The following PEF1 variants were observed in gnomAD, a reference collection of about 807,000 sequenced individuals.
The protein encoded by PEF1 is penta-EF-hand domain containing 1, also known as peflin.
A neutral mutation model predicts 32.0 loss-of-function variants in PEF1; 17 were observed. That is an observed-to-expected ratio of 0.53 (90% CI 0.36 to 0.80). The LOEUF (loss-of-function observed/expected upper bound fraction) is 0.80, where lower values mean the gene tolerates loss of function less well. PEF1 is among the 30% of genes least tolerant of loss of function. The pLI is 0.00. For synonymous variants in PEF1, 130 were observed against 139.8 expected (o/e 0.93, Z 0.50); for missense variants, 362 against 369.1 (o/e 0.98, Z 0.16).
chr1:31,635,483 G>A lies in PEF1; in HGVS notation c.64C>T (p.Pro22Ser). 3.3e-6 allele frequency: 5 copies of A among 1,531,256 alleles called. No individual in the cohort carries two copies. The highest frequency in any genetic ancestry group is 4.4e-6 in the Non-Finnish European group (5 of 1,138,558). The allele number at this position is 1,531,256 out of a possible 1,614,324, so 94.9% of individuals were successfully genotyped here. Reference sequence around the variant, plus strand: ...GGGGGTCCAGGGTAGTAGCTACCCGGAGGGGCTCCTGGTGCTTGTCCTGCA... The same window carrying A: ...GGGGGTCCAGGGTAGTAGCTACCCGAAGGGGCTCCTGGTGCTTGTCCTGCA... The part of the protein sequence containing the change: ...GAAGQAPGAP[P>S]GSYYPGPPNS... Residue 22 changes from proline to serine, a missense_variant, in exon 2 of 5, where the codon CCG (proline) becomes TCG (serine). Pro to Ser is a moderately conservative substitution (Grantham distance 74). Transcript: ENST00000373703.
rs1443397775 is a variant in PEF1 at position 31,630,560 on chromosome 1, C to CT, written c.*52dup. 1.3e-6 allele frequency: 2 copies of CT among 1,533,898 alleles called. No homozygotes were observed. Among genetic ancestry groups the CT allele is most frequent in the African/African-American group, 1.4e-5 (1 of 73,400 alleles). On this transcript the variant is annotated 3_prime_UTR_variant, in exon 5 of 5. Coordinates refer to ENST00000373703, the MANE Select transcript of PEF1 (RefSeq NM_012392.4). Reference sequence around the variant, plus strand: ...GAGATGTCCACATACTTCTCTCACTCTAAGAAGCCAGGAAAGGTCCCTGGT... The same window carrying CT: ...GAGATGTCCACATACTTCTCTCACTCTTAAGAAGCCAGGAAAGGTCCCTGGT...
intron 1 of PEF1, 80 bp from the exon 2 acceptor site, chr1:31,635,602 C>T: frequency 7.6e-7 from 1 of 1,307,792 alleles, no homozygotes; most frequent in Non-Finnish European, 1.0e-6. Flanking sequence ...CCATAAAGCA[C>T]TTCCACCACC....
intron 1 of PEF1, among the ~76,000 whole-genome samples, chr1:31,637,312 G>A (rs918991197): frequency 2.0e-5 from 3 of 152,140 alleles, no homozygotes; most frequent in African/African-American, 7.2e-5. Flanking sequence ...CTGTGGGCCC[G>A]TGGCTTCATC....
chr1:31,638,115 G>A (rs971639432), intron 1 of PEF1, among the ~76,000 whole-genome samples: 1 of 152,202 alleles, frequency 6.6e-6, no homozygotes, highest in Admixed American at 6.5e-5. Context: ...CCATAGGACT[G>A]CAAAGGAAGG....
chr1:31,631,930 C>CG (rs999420020), intron 4 of PEF1, among the ~76,000 whole-genome samples: 1 of 152,008 alleles, frequency 6.6e-6, no homozygotes, highest in Non-Finnish European at 1.5e-5. Flanking sequence ...GGGTCCTCCC[C>CG]CAACCTCTTA....
At chr1:31,630,889 A>AC (rs1557583307) in intron 4 of PEF1, 47 bp from the exon 5 acceptor site, 1 of 1,449,918 alleles carries the variant, frequency 6.9e-7, no homozygotes, top group Admixed American at 1.9e-5. Context: ...ACCTGCCATG[A>AC]GCACCTCCAT....
Position 31,632,427 on chromosome 1 carries a change from G to A in PEF1, c.625+68C>T, listed in dbSNP as rs372957064. 25 of 1,609,754 alleles carry A rather than the reference G, an allele frequency of 1.6e-5. No individual in the cohort carries two copies. The African/African-American group carries it at 3.1e-4, about 20-fold the overall frequency. ...GGTAACAAGAGGAAACCCCTTTGTT[G>A]TATCTTAGGGTGTAAAGAGAAGAGT... On this transcript the variant is annotated intron_variant, in intron 4 of 4. Transcript: ENST00000373703.
chr1:31,643,642 A>G (rs1202926295), intron 1 of PEF1, among the ~76,000 whole-genome samples: 1 of 152,240 alleles, frequency 6.6e-6, no homozygotes, highest in African/African-American at 2.4e-5. Context: ...TAGGGACTTC[A>G]TGATTAGGAT....
intron 1 of PEF1, chr1:31,644,440 G>A (rs963179416): frequency 8.9e-7 from 1 of 1,119,824 alleles, no homozygotes; most frequent in Admixed American, 4.6e-5. Flanking sequence ...GGGTGGGTCC[G>A]GAAGCCTGGA....
chr1:31,634,210 A>G (rs1290017497), intron 2 of PEF1, among the ~76,000 whole-genome samples: 3 of 152,162 alleles, frequency 2.0e-5, no homozygotes, highest in East Asian at 1.9e-4. Context: ...TTCCTAAAAC[A>G]TCGGTGTCAT....
rs371830019 is a variant in PEF1, at chr1:31,630,773, C to T, written c.695G>A (p.Arg232His). The T allele has an allele frequency of 7.4e-5, 120 of 1,613,802 alleles. No individual in the cohort carries two copies. The highest frequency in any genetic ancestry group is 7.5e-5 in the Non-Finnish European group (88 of 1,180,032). ...TQLLVSRYCPRSANPAMQLDR... is the reference protein window; with the variant it reads ...TQLLVSRYCPHSANPAMQLDR... ...AAGCTGCATGGCAGGATTGGCAGAG[C>T]GTGGGCAGTAGCGGGAGACCAGAAG... is the stretch of plus-strand genomic sequence containing the variant. The change falls in exon 5 of 5, where the codon CGC becomes CAC. Residue 232 changes from arginine (R) to histidine (H), a missense_variant. Physicochemically the swap from Arg to His is conservative, Grantham distance 29. Transcript: ENST00000373703.
intron 4 of PEF1, chr1:31,632,214 A>C: frequency 3.2e-6 from 2 of 617,652 alleles, no homozygotes; most frequent in Non-Finnish European, 5.8e-6. Flanking sequence ...TTAAGGTGCC[A>C]AGTTTCCATC....
At chr1:31,640,207 AG>A (rs1390437354) in intron 1 of PEF1, among the ~76,000 whole-genome samples, 2 of 152,192 alleles carry the variant, frequency 1.3e-5, no homozygotes, top group Non-Finnish European at 2.9e-5. Context: ...AGGCTCTGCT[AG>A]GTGCTTCCAG....
At chr1:31,631,253 T>A (rs1640094522) in intron 4 of PEF1, among the ~76,000 whole-genome samples, 1 of 152,232 alleles carries the variant, frequency 6.6e-6, no homozygotes. Flanking sequence ...AGTCAGCCAC[T>A]GGGCAAGTTG....
intron 1 of PEF1, among the ~76,000 whole-genome samples, chr1:31,637,645 A>C (rs1640291641): frequency 5.6e-4 from 1 of 1,772 alleles, no homozygotes; most frequent in African/African-American, 1.2e-3. Flanking sequence ...CCTGTCTCCA[A>C]AAAAAAAAAA....
intron 2 of PEF1, 135 bp from the exon 3 acceptor site, chr1:31,633,449 C>T: frequency 4.1e-6 from 4 of 967,338 alleles, no homozygotes; most frequent in Non-Finnish European, 6.0e-6. Context: ...AGCTGACATT[C>T]TTACTCTGAT....
chr1:31,642,181 C>G lies in PEF1; in HGVS notation c.24+2660G>C, dbSNP rs748387702. Among the ~76,000 whole-genome samples the G allele has an allele frequency of 5.9e-5, 9 of 152,162 alleles. 1 individual carries two copies. Among genetic ancestry groups the G allele is most frequent in the Admixed American group, 1.3e-4 (2 of 15,280 alleles). On this transcript the variant is annotated intron_variant, in intron 1 of 4. Transcript: ENST00000373703. ...CCGGGAGACGGAGGTTGCAGTGAGC[C>G]AAGATTGTGCCATTGCACTCCAGCC...
intron 1 of PEF1, chr1:31,644,457 T>C: frequency 8.7e-7 from 1 of 1,146,798 alleles, no homozygotes; most frequent in Non-Finnish European, 1.1e-6. Flanking sequence ...TGGATTTTTA[T>C]CCGACGCCCC....
At chr1:31,642,159 G>A (rs1396605153) in intron 1 of PEF1, among the ~76,000 whole-genome samples, 1 of 152,222 alleles carries the variant, frequency 6.6e-6, no homozygotes, top group African/African-American at 2.4e-5. Context: ...CTTGAACCCG[G>A]GAGACGGAGG....
Sources: gnomAD v4.1 joint callset for allele counts (sites outside exome capture counted in the v4.1 genomes callset) on GRCh38, gnomAD v4.1.1 for gene constraint, MANE v1.5 for transcripts, NCBI Gene and HGNC (gene_info 2026-07-23, HGNC 2026-07-21) for gene names.